Variants in LRRC4C observed in about 807,000 individuals in gnomAD.
LRRC4C encodes leucine rich repeat containing 4C.
LRRC4C carries 5 observed loss-of-function variants against 33.6 expected under a neutral mutation model. The observed-to-expected ratio is 0.15, with a 90% CI of 0.08 to 0.31. LRRC4C has a LOEUF of 0.31. Among genes scored for constraint, LRRC4C ranks in the 10% least tolerant of loss-of-function variants. The pLI, the probability that LRRC4C is intolerant of heterozygous loss-of-function variation, is 1.00. For missense variants in LRRC4C, 560 were observed against 796.7 expected (o/e 0.70, Z 3.58); for synonymous variants, 329 against 302.0 (o/e 1.09, Z -0.93).
chr11:41,169,917 C>G (rs11036266), intron 1 of LRRC4C, among the ~76,000 whole-genome samples: 1 of 152,046 alleles, frequency 6.6e-6, no homozygotes, highest in Non-Finnish European at 1.5e-5. Context: ...AATTCCTTTA[C>G]ATGGCTAAAA....
At chr11:41,166,415 C>G (rs183710826) in intron 1 of LRRC4C, among the ~76,000 whole-genome samples, 1 of 152,132 alleles carries the variant, frequency 6.6e-6, no homozygotes, top group African/African-American at 2.4e-5. Flanking sequence ...GACCACAGAA[C>G]GACATATAGT....
intron 3 of LRRC4C, among the ~76,000 whole-genome samples, chr11:40,622,287 A>G (rs1962532874): frequency 6.6e-6 from 1 of 151,896 alleles, no homozygotes; most frequent in East Asian, 1.9e-4. Flanking sequence ...GGCTATATGT[A>G]AGCAAATAAA....
rs1591213589 is a variant in LRRC4C, at chr11:41,304,916, G to T, written c.-496+154515C>A. 1.9e-4 allele frequency among the ~76,000 whole-genome samples: 2 copies of T among 10,592 alleles called. 1 individual carries two copies. Among genetic ancestry groups the T allele is most frequent in the Non-Finnish European group, 9.8e-4 (2 of 2,046 alleles). The allele number at this position is 10,592 out of a possible 152,430, so 6.9% of individuals were successfully genotyped here. ...CAGCCGCCCCATCCGGGAGGGAGGT[G>T]GGGGGGGGTCAGCCCACCTGCTGGG... On this transcript the variant is annotated intron_variant, in intron 1 of 6. Transcript: ENST00000528697.
chr11:41,403,931 C>G (rs750156464), intron 1 of LRRC4C, among the ~76,000 whole-genome samples: 1 of 150,424 alleles, frequency 6.6e-6, no homozygotes, highest in African/African-American at 2.5e-5. Flanking sequence ...CTTATACACA[C>G]ACCTGTGAGC....
intron 6 of LRRC4C, 96 bp downstream of exon 6, chr11:40,140,705 A>G (rs2134968266): frequency 6.5e-6 from 1 of 152,708 alleles, no homozygotes; most frequent in African/African-American, 2.4e-5. Context: ...CATTGCCGTT[A>G]TCAGGTTTGA....
chr11:40,126,961 A>C (rs563818529), intron 6 of LRRC4C, among the ~76,000 whole-genome samples: 1 of 144,344 alleles, frequency 6.9e-6, no homozygotes, highest in African/African-American at 2.7e-5. Flanking sequence ...CTTTGTCTCA[A>C]AAAAAAAAAA....
At chr11:40,744,121 T>C (rs1279932773) in intron 2 of LRRC4C, among the ~76,000 whole-genome samples, 2 of 152,146 alleles carry the variant, frequency 1.3e-5, no homozygotes, top group African/African-American at 2.4e-5. Flanking sequence ...ACTAGGGATA[T>C]GGAAGGAAAC....
intron 3 of LRRC4C, among the ~76,000 whole-genome samples, chr11:40,566,086 G>GTTTTTTTTTTTTTTTTTTTTTTTTTTTT: frequency 8.4e-4 from 53 of 62,760 alleles, no homozygotes; most frequent in Admixed American, 8.4e-4. Context: ...TTTTTACTAA[G>GTTTTTTTTTTTTTTTTTTTTTTTTTTTT]TTTTTTTTTT....
intron 1 of LRRC4C, among the ~76,000 whole-genome samples, chr11:41,150,543 G>A (rs1270031260): frequency 3.9e-5 from 6 of 151,990 alleles, no homozygotes; most frequent in African/African-American, 1.5e-4. Flanking sequence ...TGTAATCCCA[G>A]CACTTTGGGA....
intron 3 of LRRC4C, among the ~76,000 whole-genome samples, chr11:40,440,305 T>C (rs1229157843): frequency 6.6e-6 from 1 of 151,050 alleles, no homozygotes; most frequent in Non-Finnish European, 1.5e-5. Context: ...CTTTCTTTTT[T>C]TTTTTTTTTT....
rs779942867 is a variant in LRRC4C at position 41,311,191 on chromosome 11, A to AT, written c.-496+148239dup. Among the ~76,000 whole-genome samples the AT allele has an allele frequency of 4.2e-3, 640 of 151,604 alleles. 25 individuals are homozygous for AT. The East Asian group carries it at 0.092, about 22-fold the overall frequency. On this transcript the variant is annotated intron_variant, in intron 1 of 6. Transcript: ENST00000528697. ...AAGCTATGCCGTGCATTAGAACCAC[A>AT]TTTTTTTTTATATATTCATTTTGGA...
At chr11:40,483,991 A>G (rs1211170292) in intron 3 of LRRC4C, among the ~76,000 whole-genome samples, 3 of 152,122 alleles carry the variant, frequency 2.0e-5, no homozygotes, top group Non-Finnish European at 4.4e-5. Flanking sequence ...ATAATAAGTA[A>G]TGGGTAAATA....
chr11:40,514,123 T>A (rs878991797), intron 3 of LRRC4C, among the ~76,000 whole-genome samples: 2 of 152,204 alleles, frequency 1.3e-5, no homozygotes, highest in African/African-American at 2.4e-5. Flanking sequence ...AACTATGTGA[T>A]CCTTACAGTA....
At chr11:41,006,550 TA>T (rs1051306688) in intron 1 of LRRC4C, among the ~76,000 whole-genome samples, 2 of 152,188 alleles carry the variant, frequency 1.3e-5, no homozygotes, top group African/African-American at 4.8e-5. Flanking sequence ...TAGTGATGAC[TA>T]GGCCTTCATT....
In LRRC4C at chr11:41,208,944, G is replaced by T. The variant is rs77376147; in HGVS notation, c.-496+250487C>A. On this transcript the variant is annotated intron_variant, in intron 1 of 6. Transcript: ENST00000528697. ...CATGGAGAGCTGAGAAGGTGGGGCT[G>T]CTGCAACCCCCGTGGGTTTGGAGTG... 8.4e-3 allele frequency among the ~76,000 whole-genome samples: 1,284 copies of T among 152,238 alleles called. 13 individuals carry two copies. The highest frequency in any genetic ancestry group is 0.029 in the African/African-American group (1,212 of 41,546).
chr11:41,340,683 G>C (rs1019422835), intron 1 of LRRC4C, among the ~76,000 whole-genome samples: 16 of 152,130 alleles, frequency 1.1e-4, no homozygotes, highest in Admixed American at 9.8e-4. Flanking sequence ...AAGTTACTTA[G>C]AGTCTATTTG....
chr11:41,318,584 C>T (rs1476289534), intron 1 of LRRC4C, among the ~76,000 whole-genome samples: 1 of 152,216 alleles, frequency 6.6e-6, no homozygotes, highest in African/African-American at 2.4e-5. Context: ...TCCCTCAACT[C>T]TTTGCCCACT....
chr11:40,326,031 G>A (rs572652140), intron 3 of LRRC4C, among the ~76,000 whole-genome samples: 2 of 150,320 alleles, frequency 1.3e-5, no homozygotes, highest in East Asian at 2.0e-4. Context: ...AGGTTGGAAT[G>A]CTGTCTGCTG....
At chr11:41,126,747 GA>G (rs1942762164) in intron 1 of LRRC4C, among the ~76,000 whole-genome samples, 1 of 151,916 alleles carries the variant, frequency 6.6e-6, no homozygotes. Flanking sequence ...ACCAGGTGAA[GA>G]AGCCAGAGAT....
Sources: gnomAD v4.1 joint callset for allele counts (sites outside exome capture counted in the v4.1 genomes callset) on GRCh38, gnomAD v4.1.1 for gene constraint, MANE v1.5 for transcripts, NCBI Gene and HGNC (gene_info 2026-07-23, HGNC 2026-07-21) for gene names.